Variants in MMP16 observed in about 807,000 individuals in gnomAD.
MMP16 encodes matrix metallopeptidase 16, also known as matrix metalloproteinase-16.
In MMP16, 12 loss-of-function variants were observed where a neutral mutation model predicts 67.8. That is an observed-to-expected ratio of 0.18 (90% CI 0.11 to 0.29). The LOEUF is 0.29. Ranked by LOEUF, MMP16 falls within the 10% of genes least tolerant of loss-of-function variation. The pLI is 1.00. For synonymous variants in MMP16, 249 were observed against 255.9 expected (o/e 0.97, Z 0.26); for missense variants, 475 against 765.7 (o/e 0.62, Z 4.48).
At chr8:88,263,639 G>A (rs1810424987) in intron 1 of MMP16, among the ~76,000 whole-genome samples, 1 of 152,074 alleles carries the variant, frequency 6.6e-6, no homozygotes, top group South Asian at 2.1e-4. Context: ...TACTCCTTAT[G>A]TCTTTTCAAA....
chr8:88,151,665 C>T (rs1376636214), intron 4 of MMP16, among the ~76,000 whole-genome samples: 14 of 149,468 alleles, frequency 9.4e-5, no homozygotes, highest in East Asian at 8.0e-4. Flanking sequence ...TTGAAACCAA[C>T]GAGAACAAAG....
chr8:88,327,158 G>A lies in MMP16; in HGVS notation c.49C>T (p.His17Tyr). The A allele has an allele frequency of 6.2e-7, 1 of 1,614,094 alleles. No homozygotes were observed. Among genetic ancestry groups the A allele is most frequent in the Non-Finnish European group, 8.5e-7 (1 of 1,180,004 alleles). Residue 17 changes from histidine to tyrosine, a missense_variant, in exon 1 of 10, where the codon CAT becomes TAT. His to Tyr is a moderately conservative substitution (Grantham distance 83). Coordinates refer to ENST00000286614, the MANE Select transcript of MMP16 (RefSeq NM_005941.5). ...STGRRLDFVH[H>Y]SGVFFLQTLL... is the part of the protein sequence containing the mutation. ...GTTTGCAAGAAAAACACCCCCGAAT[G>A]ATGCACGAAATCCAACCGTCTTCCA... is the stretch of plus-strand genomic sequence containing the variant.
chr8:88,298,220 TAATAACAACCATA>T (rs143373525), intron 1 of MMP16, among the ~76,000 whole-genome samples: 5,414 of 152,214 alleles, frequency 0.036, 323 homozygotes, highest in African/African-American at 0.12. Context: ...CAGTTAAAAC[TAATAACAACCATA>T]AAACATTTTC....
intron 9 of MMP16, among the ~76,000 whole-genome samples, chr8:88,046,021 G>C (rs1206209637): frequency 3.3e-5 from 5 of 152,116 alleles, no homozygotes; most frequent in Non-Finnish European, 7.4e-5. Context: ...ATCCCTGGAT[G>C]GGAAGAGATA....
chr8:88,297,794 T>C (rs1214180607), intron 1 of MMP16, among the ~76,000 whole-genome samples: 2 of 152,208 alleles, frequency 1.3e-5, no homozygotes, highest in East Asian at 1.9e-4. Context: ...AAAATGAGTA[T>C]GGCAATAATA....
chr8:88,136,059 G>C (rs775163031), intron 4 of MMP16, among the ~76,000 whole-genome samples: 1 of 151,880 alleles, frequency 6.6e-6, no homozygotes, highest in Non-Finnish European at 1.5e-5. Context: ...AAATCTTGAA[G>C]AAGAGTAACT....
At chr8:88,185,246 G>C (rs1387503456) in intron 3 of MMP16, among the ~76,000 whole-genome samples, 1 of 152,048 alleles carries the variant, frequency 6.6e-6, no homozygotes, top group Non-Finnish European at 1.5e-5. Flanking sequence ...ATCACTTGAG[G>C]TCAGGACTTC....
intron 1 of MMP16, among the ~76,000 whole-genome samples, chr8:88,255,556 A>G (rs1238971377): frequency 6.6e-6 from 1 of 152,216 alleles, no homozygotes; most frequent in Non-Finnish European, 1.5e-5. Context: ...TGATCTGTCT[A>G]GATCACAAAG....
chr8:88,140,078 G>T (rs1397988221), intron 4 of MMP16, among the ~76,000 whole-genome samples: 1 of 152,150 alleles, frequency 6.6e-6, no homozygotes, highest in Non-Finnish European at 1.5e-5. Flanking sequence ...GGTCTCTAGA[G>T]AAATTGCAAT....
Position 88,197,150 on chromosome 8 carries a change from T to C in MMP16, c.281+8A>G. ...CAAAAAGAAAGGAGGATGGGAGCCA[T>C]TACTTACTCAATTGTGTTTCTGTCC... On this transcript the variant is annotated splice_region_variant and intron_variant, in intron 2 of 9. Transcript: ENST00000286614. 6.2e-7 allele frequency: 1 copy of C among 1,607,826 alleles called. No individual in the cohort carries two copies. The highest frequency in any genetic ancestry group is 8.5e-7 in the Non-Finnish European group (1 of 1,178,240).
In MMP16 at chr8:88,118,943, T is replaced by C. The variant is rs1809483180; in HGVS notation, c.710-82A>G. On this transcript the variant is annotated intron_variant, in intron 4 of 9. Transcript: ENST00000286614. ...AAAGGACAATTTGGTATTATCAACA[T>C]TTTACCCAAGAAAAATAGGAGGTAC... 3 of 1,344,446 alleles carry C rather than the reference T, an allele frequency of 2.2e-6. No individual in the cohort carries two copies. The African/African-American group carries it at 4.4e-5, about 20-fold the overall frequency. 83.3% of individuals were successfully genotyped at this position (1,344,446 alleles called of 1,614,324 possible).
At chr8:88,322,513 C>T (rs1811475595) in intron 1 of MMP16, among the ~76,000 whole-genome samples, 1 of 151,932 alleles carries the variant, frequency 6.6e-6, no homozygotes, top group Admixed American at 6.6e-5. Flanking sequence ...ACTTCCTTAT[C>T]GACCTTTATT....
intron 4 of MMP16, among the ~76,000 whole-genome samples, chr8:88,153,521 T>C (rs983807021): frequency 6.6e-6 from 1 of 151,918 alleles, no homozygotes; most frequent in Non-Finnish European, 1.5e-5. Flanking sequence ...AACAGAGATA[T>C]AGATCAATGG....
intron 1 of MMP16, among the ~76,000 whole-genome samples, chr8:88,241,404 T>C (rs1175229670): frequency 1.3e-5 from 2 of 152,136 alleles, no homozygotes; most frequent in Non-Finnish European, 2.9e-5. Context: ...AAGCTAACTA[T>C]AGTCCAGCAA....
At chr8:88,180,070 T>C (rs1013514537) in intron 3 of MMP16, among the ~76,000 whole-genome samples, 1 of 152,032 alleles carries the variant, frequency 6.6e-6, no homozygotes, top group African/African-American at 2.4e-5. Flanking sequence ...TCACCTGAGG[T>C]TGGGAGTTCG....
intron 4 of MMP16, among the ~76,000 whole-genome samples, chr8:88,162,035 C>T (rs1241430911): frequency 1.3e-5 from 2 of 151,492 alleles, no homozygotes; most frequent in Non-Finnish European, 1.5e-5. Flanking sequence ...TATACATCTC[C>T]TTCCTTTATT....
At chr8:88,278,314 C>CTGCT (rs767955017) in intron 1 of MMP16, among the ~76,000 whole-genome samples, 7 of 152,108 alleles carry the variant, frequency 4.6e-5, no homozygotes, top group Non-Finnish European at 7.3e-5. Context: ...TTGAGAAATG[C>CTGCT]TGCTGTACAG....
chr8:88,112,879 C>T (rs1225340025), intron 6 of MMP16, among the ~76,000 whole-genome samples: 4 of 151,744 alleles, frequency 2.6e-5, no homozygotes, highest in African/African-American at 4.8e-5. Flanking sequence ...AACAAAATTA[C>T]CTTATGATAT....
Position 88,056,244 on chromosome 8 carries a change from A to G in MMP16, c.1257T>C (p.Leu419=), listed in dbSNP as rs779669038. Residue 419 remains leucine (L), a synonymous_variant, in exon 8 of 10, where the codon CTT becomes CTC. Transcript: ENST00000286614. ...TCAAGTCATGAGGGTAACCAGGTTG[A>G]AGAGTTGTATCCTTGAACACCCAAT... is the stretch of plus-strand genomic sequence containing the variant. ...NKYWVFKDTT[L]QPGYPHDLIT... 6.3e-7 allele frequency: 1 copy of G among 1,595,306 alleles called. No individual in the cohort carries two copies. Among genetic ancestry groups the G allele is most frequent in the South Asian group, 1.1e-5 (1 of 88,390 alleles).
Sources: allele counts gnomAD v4.1 joint callset (sites outside exome capture counted in the v4.1 genomes callset), GRCh38; gene constraint gnomAD v4.1.1; transcripts MANE v1.5; gene names NCBI Gene and HGNC (gene_info 2026-07-23, HGNC 2026-07-21).